The following REPS1 variants were observed in gnomAD, a reference collection of about 807,000 sequenced individuals.
REPS1 encodes the protein ralBP1-associated Eps domain-containing protein 1.
In REPS1, 39 loss-of-function variants were observed where a neutral mutation model predicts 100.9. The ratio of observed to expected loss-of-function variants is 0.39; its 90% CI spans 0.30 to 0.50. The LOEUF is 0.50. Among genes scored for constraint, REPS1 ranks in the 20% least tolerant of loss-of-function variants. REPS1 has a pLI of 0.86. For missense variants in REPS1, 821 were observed against 968.5 expected (o/e 0.85, Z 2.02); for synonymous variants, 324 against 340.3 (o/e 0.95, Z 0.53).
At chr6:138,955,024 A>G (rs1296684791) in intron 1 of REPS1, among the ~76,000 whole-genome samples, 1 of 152,124 alleles carries the variant, frequency 6.6e-6, no homozygotes, top group Non-Finnish European at 1.5e-5. Context: ...AAATTAACCA[A>G]TCCTCTACTG....
At chr6:138,928,291 AG>A (rs1781268931) in intron 9 of REPS1, 1 of 152,170 alleles carries the variant, frequency 6.6e-6, no homozygotes, top group South Asian at 2.1e-4. Context: ...TGCTCCATAA[AG>A]GTTAGAGATT....
chr6:138,969,177 G>A (rs1784177253), intron 1 of REPS1, among the ~76,000 whole-genome samples: 1 of 151,382 alleles, frequency 6.6e-6, no homozygotes, highest in Non-Finnish European at 1.5e-5. Flanking sequence ...CTTGGCCCTG[G>A]GAGGAAAACA....
intron 19 of REPS1, 156 bp downstream of exon 19, chr6:138,907,338 GT>G: frequency 4.0e-6 from 2 of 496,988 alleles, no homozygotes; most frequent in East Asian, 3.2e-5. Flanking sequence ...GTGTGTGTGT[GT>G]GGCGGGGAGG....
At chr6:138,918,331 G>A (rs1309237823) in intron 12 of REPS1, among the ~76,000 whole-genome samples, 2 of 152,158 alleles carry the variant, frequency 1.3e-5, no homozygotes, top group Non-Finnish European at 2.9e-5. Flanking sequence ...GATGTGCATA[G>A]GTTACATGCA....
intron 1 of REPS1, among the ~76,000 whole-genome samples, chr6:138,987,295 G>T (rs1380225038): frequency 6.6e-6 from 1 of 152,158 alleles, no homozygotes; most frequent in Non-Finnish European, 1.5e-5. Context: ...GGGGGATACC[G>T]GCTGAGGCTC....
At chr6:138,924,523 C>A (rs1171713671) in intron 10 of REPS1, among the ~76,000 whole-genome samples, 1 of 152,068 alleles carries the variant, frequency 6.6e-6, no homozygotes, top group Non-Finnish European at 1.5e-5. Context: ...ATGTTCTTGC[C>A]TGGCCTGACA....
intron 8 of REPS1, among the ~76,000 whole-genome samples, chr6:138,939,103 T>A (rs935867277): frequency 2.0e-5 from 3 of 152,188 alleles, no homozygotes; most frequent in African/African-American, 2.4e-5. Flanking sequence ...GTCATGTGAA[T>A]CTCAGGTTTA....
At chr6:138,949,161 T>C (rs1270840741) in intron 1 of REPS1, among the ~76,000 whole-genome samples, 1 of 152,182 alleles carries the variant, frequency 6.6e-6, no homozygotes, top group Non-Finnish European at 1.5e-5. Flanking sequence ...TATATAACAA[T>C]GCAACTAACA....
intron 17 of REPS1, 148 bp downstream of exon 17, chr6:138,911,128 G>A: frequency 1.7e-6 from 1 of 582,398 alleles, no homozygotes; most frequent in Non-Finnish European, 3.0e-6. Context: ...CCATTAAATA[G>A]GCAGACTTTG....
At chr6:138,917,303 A>G (rs1001780476) in intron 13 of REPS1, among the ~76,000 whole-genome samples, 1 of 152,254 alleles carries the variant, frequency 6.6e-6, no homozygotes, top group African/African-American at 2.4e-5. Flanking sequence ...AAAAGGACTT[A>G]TAAAACTTCT....
chr6:138,960,776 C>T (rs559553709), intron 1 of REPS1, among the ~76,000 whole-genome samples: 20 of 152,162 alleles, frequency 1.3e-4, no homozygotes, highest in Non-Finnish European at 2.4e-4. Context: ...AATATAAATC[C>T]GAAACCACAT....
At chr6:138,955,037 G>A (rs779508784) in intron 1 of REPS1, among the ~76,000 whole-genome samples, 1 of 152,068 alleles carries the variant, frequency 6.6e-6, no homozygotes, top group Non-Finnish European at 1.5e-5. Flanking sequence ...CTCTACTGAT[G>A]GATATTTAGG....
intron 1 of REPS1, among the ~76,000 whole-genome samples, chr6:138,973,888 T>C (rs893525048): frequency 6.6e-6 from 1 of 152,014 alleles, no homozygotes; most frequent in African/African-American, 2.4e-5. Context: ...CAAACATATT[T>C]TTGGGGAAAA....
intron 7 of REPS1, among the ~76,000 whole-genome samples, chr6:138,942,857 C>A (rs960585954): frequency 6.6e-6 from 1 of 152,090 alleles, no homozygotes; most frequent in Admixed American, 6.6e-5. Flanking sequence ...CAGGTTCAAG[C>A]GAATCTCGTG....
intron 1 of REPS1, among the ~76,000 whole-genome samples, chr6:138,968,316 C>A (rs1333814101): frequency 6.6e-6 from 1 of 152,192 alleles, no homozygotes; most frequent in African/African-American, 2.4e-5. Context: ...AAAAAGCTAT[C>A]ATTTATTGAG....
At chr6:138,946,404 T>C (rs570026774) in intron 2 of REPS1, among the ~76,000 whole-genome samples, 1 of 152,310 alleles carries the variant, frequency 6.6e-6, no homozygotes, top group African/African-American at 2.4e-5. Context: ...AGTGATACTT[T>C]TAGACCAGAA....
At chr6:138,976,474 G>A (rs6918404) in intron 1 of REPS1, among the ~76,000 whole-genome samples, 13,394 of 152,106 alleles carry the variant, frequency 0.088, 1,232 homozygotes, top group African/African-American at 0.23. Context: ...TGATAGTGAC[G>A]GTGATTATTC....
At chr6:138,910,864 T>C (rs1430535997) in intron 17 of REPS1, 1 of 155,400 alleles carries the variant, frequency 6.4e-6, no homozygotes, top group Non-Finnish European at 1.4e-5. Flanking sequence ...TTCTGTATGC[T>C]TAAACGTTTT....
chr6:138,940,717 G>A (rs902836539), intron 8 of REPS1, among the ~76,000 whole-genome samples: 2 of 150,722 alleles, frequency 1.3e-5, no homozygotes, highest in Non-Finnish European at 2.9e-5. Flanking sequence ...CTGCACTCCA[G>A]CCTGGTGACA....
Sources: allele counts gnomAD v4.1 joint callset (sites outside exome capture counted in the v4.1 genomes callset), GRCh38; gene constraint gnomAD v4.1.1; transcripts MANE v1.5; gene names NCBI Gene and HGNC (gene_info 2026-07-23, HGNC 2026-07-21).